Variants in VIT observed in about 807,000 individuals in gnomAD.
VIT encodes vitrin.
In VIT, 99 loss-of-function variants were observed where a neutral mutation model predicts 78.0. That is an observed-to-expected ratio of 1.27 (90% CI 1.08 to 1.50). The LOEUF is 1.50. Ranked by LOEUF, VIT falls within the 40% of genes most tolerant of loss-of-function variation. VIT has a pLI of 0.00. For missense variants in VIT, 1,126 were observed against 875.3 expected, an observed-to-expected ratio of 1.29 and a Z score of -3.61; for synonymous variants, 374 against 334.3, an observed-to-expected ratio of 1.12 and a Z score of -1.29.
At chr2:36,770,552 T>C (rs918849147) in intron 7 of VIT, among the ~76,000 whole-genome samples, 7 of 151,352 alleles carry the variant, frequency 4.6e-5, no homozygotes, top group Non-Finnish European at 1.0e-4. Context: ...AGGCTGGGGG[T>C]AAGGGAGCCG....
chr2:36,812,354 G>A (rs62132503), intron 15 of VIT, among the ~76,000 whole-genome samples: 3,233 of 152,194 alleles, frequency 0.021, 44 homozygotes, highest in Non-Finnish European at 0.032. Flanking sequence ...TCCAGGCTCT[G>A]CCCTCTGTTT....
At chr2:36,773,597 G>A (rs1669880826) in intron 7 of VIT, among the ~76,000 whole-genome samples, 194 bp from the exon 8 acceptor site, 2 of 152,100 alleles carry the variant, frequency 1.3e-5, no homozygotes, top group African/African-American at 2.4e-5. Context: ...TGAGCCTAGT[G>A]GTACGCACCT....
chr2:36,813,596 T>C (rs6751691), intron 15 of VIT, among the ~76,000 whole-genome samples: 2,097 of 152,294 alleles, frequency 0.014, 53 homozygotes, highest in African/African-American at 0.047. Context: ...GGACCATCTC[T>C]CTGGCACCTT....
At chr2:36,798,459 GT>G (rs1451675885) in intron 12 of VIT, among the ~76,000 whole-genome samples, 1 of 152,196 alleles carries the variant, frequency 6.6e-6, no homozygotes, top group Non-Finnish European at 1.5e-5. Context: ...AAATTGCTTT[GT>G]AAAAATATAA....
intron 3 of VIT, among the ~76,000 whole-genome samples, chr2:36,738,931 A>G (rs1433421016): frequency 6.6e-6 from 1 of 152,170 alleles, no homozygotes; most frequent in Non-Finnish European, 1.5e-5. Flanking sequence ...ATGGATAAGA[A>G]TGCTTTGCAA....
intron 7 of VIT, among the ~76,000 whole-genome samples, chr2:36,769,584 T>C (rs971113279): frequency 6.6e-6 from 1 of 152,182 alleles, no homozygotes; most frequent in African/African-American, 2.4e-5. Flanking sequence ...GAGAGCTTTT[T>C]AAAAGTTGTA....
chr2:36,810,944 C>T (rs1227837858), intron 15 of VIT, among the ~76,000 whole-genome samples: 1 of 152,182 alleles, frequency 6.6e-6, no homozygotes, highest in Non-Finnish European at 1.5e-5. Context: ...TCTGTGCCTA[C>T]ATTTAATTTC....
Position 36,814,790 on chromosome 2 carries a change from T to G in VIT, c.*429T>G, listed in dbSNP as rs186431107. The G allele has an allele frequency of 5.6e-5, 9 of 160,304 alleles. No homozygotes were observed. Among genetic ancestry groups the G allele is most frequent in the African/African-American group, 2.2e-4 (9 of 41,776 alleles). 9.9% of individuals were successfully genotyped at this position (160,304 alleles called of 1,614,324 possible). On this transcript the variant is annotated 3_prime_UTR_variant, in exon 16 of 16. Transcript: ENST00000379242. ...GAATTAAATGTTTAGAAGGATGACA[T>G]GCAATGTTTCTGACTGTGTCTTTTG...
At chr2:36,716,918 C>T (rs1277485641) in intron 2 of VIT, among the ~76,000 whole-genome samples, 1 of 138,120 alleles carries the variant, frequency 7.2e-6, no homozygotes, top group Non-Finnish European at 1.5e-5. Context: ...ACTCTCTTGC[C>T]CAGGCTGGAA....
chr2:36,792,577 C>A lies in VIT; in HGVS notation c.1058+5301C>A, dbSNP rs535712185. Reference sequence around the variant, plus strand: ...GGCACCCTGATGCCCAATAGAACCACCTGGGAGCTCCTAAAACTCCAGATG... The same window carrying A: ...GGCACCCTGATGCCCAATAGAACCAACTGGGAGCTCCTAAAACTCCAGATG... On this transcript the variant is annotated intron_variant, in intron 12 of 15. Coordinates refer to ENST00000379242, the MANE Select transcript of VIT (RefSeq NM_053276.4). Among the ~76,000 whole-genome samples the A allele has an allele frequency of 1.2e-3, 178 of 152,298 alleles. 2 individuals are homozygous for A. Among genetic ancestry groups the A allele is most frequent in the South Asian group, 2.9e-3 (14 of 4,826 alleles).
intron 4 of VIT, among the ~76,000 whole-genome samples, chr2:36,750,218 G>A (rs1558537877): frequency 6.6e-6 from 1 of 152,142 alleles, no homozygotes; most frequent in South Asian, 2.1e-4. Flanking sequence ...TACTAAAAGG[G>A]AAAAGTTATA....
At chr2:36,748,770 T>G (rs532076434) in intron 4 of VIT, among the ~76,000 whole-genome samples, 1 of 152,250 alleles carries the variant, frequency 6.6e-6, no homozygotes, top group African/African-American at 2.4e-5. Context: ...ACTCAGCAAC[T>G]TCGTGCAAGG....
chr2:36,751,504 TC>T (rs922022236), intron 4 of VIT, among the ~76,000 whole-genome samples: 5 of 151,750 alleles, frequency 3.3e-5, no homozygotes, highest in African/African-American at 1.2e-4. Flanking sequence ...AACTGGGGAG[TC>T]CCAGCACTGC....
intron 8 of VIT, chr2:36,774,791 G>A (rs1233845850): frequency 3.0e-6 from 3 of 985,264 alleles, no homozygotes; most frequent in Non-Finnish European, 3.6e-6. Context: ...GACTCTACAG[G>A]AGCCCAATCC....
chr2:36,739,076 GA>G (rs1182576868), intron 3 of VIT, among the ~76,000 whole-genome samples: 1 of 151,896 alleles, frequency 6.6e-6, no homozygotes, highest in Non-Finnish European at 1.5e-5. Flanking sequence ...TTAAAAACAG[GA>G]TTTTACTCTA....
intron 9 of VIT, among the ~76,000 whole-genome samples, chr2:36,779,586 C>T (rs1432828005): frequency 6.6e-6 from 1 of 152,144 alleles, no homozygotes. Context: ...TTAAACCCAG[C>T]ATCCATTAGC....
At chr2:36,723,979 A>AT (rs1558515984) in intron 2 of VIT, among the ~76,000 whole-genome samples, 30 of 99,412 alleles carry the variant, frequency 3.0e-4, no homozygotes, top group Admixed American at 1.0e-3. Context: ...AGGGGAGGGG[A>AT]GGGGGGGGAT....
chr2:36,758,924 C>G, intron 5 of VIT, 45 bp from the exon 6 acceptor site: 1 of 1,547,816 alleles, frequency 6.5e-7, no homozygotes, highest in East Asian at 2.2e-5. Context: ...TCTAAAACCT[C>G]TAGCTCTAGA....
chr2:36,739,715 G>C (rs920031165), intron 3 of VIT, among the ~76,000 whole-genome samples: 3 of 152,160 alleles, frequency 2.0e-5, no homozygotes, highest in Non-Finnish European at 4.4e-5. Context: ...GAGAAGGCAA[G>C]ATTATCTTAA....
Sources: allele counts gnomAD v4.1 joint callset (sites outside exome capture counted in the v4.1 genomes callset), GRCh38; gene constraint gnomAD v4.1.1; transcripts MANE v1.5; gene names NCBI Gene and HGNC (gene_info 2026-07-23, HGNC 2026-07-21).